RUBCN: variants seen among roughly 807,000 people sequenced by gnomAD.
RUBCN encodes run domain Beclin-1-interacting and cysteine-rich domain-containing protein.
In RUBCN, 74 loss-of-function variants were observed where a neutral mutation model predicts 113.2. That is an observed-to-expected ratio of 0.65 (90% CI 0.54 to 0.79). The LOEUF (loss-of-function observed/expected upper bound fraction) is 0.79, where lower values mean the gene tolerates loss of function less well. RUBCN is among the 30% of genes least tolerant of loss of function. The pLI is 0.00. For synonymous variants in RUBCN, 480 were observed against 490.0 expected, an observed-to-expected ratio of 0.98 and a Z score of 0.27; for missense variants, 1,109 against 1,251.7, an observed-to-expected ratio of 0.89 and a Z score of 1.72.
intron 16 of RUBCN, among the ~76,000 whole-genome samples, chr3:197,679,031 T>C (rs1720845130): frequency 6.9e-6 from 1 of 145,886 alleles, no homozygotes; most frequent in Admixed American, 6.8e-5. Flanking sequence ...TGTCCTACGC[T>C]CTGACAACTG....
At chr3:197,719,476 C>CAAAAAAA (rs369029082) in intron 1 of RUBCN, among the ~76,000 whole-genome samples, 8 of 54,168 alleles carry the variant, frequency 1.5e-4, no homozygotes, top group East Asian at 5.8e-4. Flanking sequence ...GAGATTGTCT[C>CAAAAAAA]AAAAAAAAAA....
Position 197,718,130 on chromosome 3 carries a change from C to T in RUBCN, c.66G>A (p.Arg22=). 1 of 1,614,178 alleles carries T rather than the reference C, an allele frequency of 6.2e-7. No individual in the cohort carries two copies. Among genetic ancestry groups the T allele is most frequent in the Non-Finnish European group, 8.5e-7 (1 of 1,180,004 alleles). The part of the protein sequence containing the change: ...GGEERLPEES[R]REHWQLLGNL... The stretch of plus-strand genomic sequence containing the variant: ...TACCCAGCAACTGCCAGTGCTCCCT[C>T]CTGCAAGGGCATCAGTTACACCAAT... The change falls in exon 2 of 20, where the codon AGG becomes AGA. Residue 22 remains arginine, a splice_region_variant and synonymous_variant. Transcript: ENST00000296343.
At chr3:197,679,480 G>A (rs1418211058) in intron 16 of RUBCN, among the ~76,000 whole-genome samples, 2 of 145,248 alleles carry the variant, frequency 1.4e-5, no homozygotes, top group Non-Finnish European at 3.0e-5. Flanking sequence ...ACTGTCCTAC[G>A]CTCTGACAAC....
rs1181503552 is a variant in RUBCN, at chr3:197,677,460, C to G, written c.2492+20G>C. 1.2e-6 allele frequency: 2 copies of G among 1,610,450 alleles called. No homozygotes were observed. Among genetic ancestry groups the G allele is most frequent in the Admixed American group, 3.3e-5 (2 of 60,028 alleles). ...GAGACAGCAACGTGGCCAGAGGGCT[C>G]TAGCTCCAAAAGGACTTACTCCTTG... On this transcript the variant is annotated intron_variant, in intron 17 of 19. Coordinates refer to ENST00000296343, the MANE Select transcript of RUBCN (RefSeq NM_014687.4).
chr3:197,748,349 T>C (rs1186945846), intron 1 of RUBCN: 1 of 152,164 alleles, frequency 6.6e-6, no homozygotes, highest in Non-Finnish European at 1.5e-5. Context: ...ATGCCAAATA[T>C]TGTTCTTGAG....
chr3:197,687,001 T>C (rs188997150), intron 11 of RUBCN, among the ~76,000 whole-genome samples: 1 of 152,344 alleles, frequency 6.6e-6, no homozygotes, highest in Non-Finnish European at 1.5e-5. Context: ...GTCCAGACAC[T>C]GGTATTGAAC....
chr3:197,710,966 C>A (rs909516549), intron 2 of RUBCN, among the ~76,000 whole-genome samples: 1 of 152,148 alleles, frequency 6.6e-6, no homozygotes, highest in African/African-American at 2.4e-5. Context: ...GCTGGGACTA[C>A]AGGCACATGC....
In RUBCN at chr3:197,736,887, G is replaced by A. The variant is rs377497954; in HGVS notation, c.-168C>T. 1.9e-4 allele frequency: 265 copies of A among 1,371,958 alleles called. 2 individuals are homozygous for A. In the East Asian group the frequency reaches 6.5e-3, roughly 34 times the overall value. The allele number at this position is 1,371,958 out of a possible 1,614,324, so 85.0% of individuals were successfully genotyped here. On this transcript the variant is annotated 5_prime_UTR_variant, in exon 1 of 20. Transcript: ENST00000296343. ...CGGGAGGGACCGCCGCCTGGGCTGC[G>A]GCTTCTATCCCGGCCACCCCCACTT...
Position 197,682,556 on chromosome 3 carries a change from G to A in RUBCN, c.2040C>T (p.Ile680=), listed in dbSNP as rs1183173127. Reference sequence around the variant, plus strand: ...CACGAACACGAATCCGCAGCTTGTAGATGTCAGCGTGCTGCCCGTCATCCG... The same window carrying A: ...CACGAACACGAATCCGCAGCTTGTAAATGTCAGCGTGCTGCCCGTCATCCG... ...ISPDDGQHAD[I]YKLRIRVRGN... is the part of the protein sequence containing the mutation. The change falls in exon 14 of 20, where the codon ATC becomes ATT. Residue 680 remains isoleucine (I), a synonymous_variant. Coordinates refer to ENST00000296343, the MANE Select transcript of RUBCN (RefSeq NM_014687.4). The A allele has an allele frequency of 1.2e-6, 2 of 1,614,170 alleles. No individual in the cohort carries two copies. Among genetic ancestry groups the A allele is most frequent in the Non-Finnish European group, 1.7e-6 (2 of 1,180,016 alleles).
chr3:197,687,356 A>T (rs1043991554), intron 11 of RUBCN, among the ~76,000 whole-genome samples: 1 of 152,268 alleles, frequency 6.6e-6, no homozygotes, highest in Non-Finnish European at 1.5e-5. Context: ...AACTTGTCAG[A>T]AAGTATAGCT....
upstream of RUBCN, chr3:197,737,376 G>A (rs545331776): frequency 4.6e-5 from 7 of 150,984 alleles, no homozygotes; most frequent in African/African-American, 1.5e-4. Context: ...AGGTTGCTTT[G>A]GGATCATAAA....
chr3:197,683,830 T>C lies in RUBCN; in HGVS notation c.1847+327A>G, dbSNP rs939417541. On this transcript the variant is annotated intron_variant, in intron 12 of 19. Transcript: ENST00000296343. This position sits in a 1 kb window ranked among gnomAD's most constrained non-coding sequence, Gnocchi z 4.6. ...CTGTGTCCCCTGGTTGGGTCTATGA[T>C]GTGGAATCTGTTCAATTTGATTTCA... Among the ~76,000 whole-genome samples, 3 of 152,184 alleles carry C rather than the reference T, an allele frequency of 2.0e-5. No individual in the cohort carries two copies. The highest frequency in any genetic ancestry group is 7.2e-5 in the African/African-American group (3 of 41,444).
chr3:197,684,164 GGGA>G lies in RUBCN; in HGVS notation c.1837_1839del (p.Ser613del). 6.2e-7 allele frequency: 1 copy of G among 1,610,364 alleles called. No homozygotes were observed. On this transcript the variant is annotated inframe_deletion, in exon 12 of 20. Transcript: ENST00000296343. ...GTAAAAAAAAGTACTCACAAGGACT[GGGA>G]GGAAACGAAGGATTTGCTGCTTGAG...
intron 1 of RUBCN, among the ~76,000 whole-genome samples, chr3:197,724,971 G>A (rs1435039168): frequency 6.6e-6 from 1 of 152,052 alleles, no homozygotes; most frequent in Non-Finnish European, 1.5e-5. Context: ...CTTGAGCTCA[G>A]GAGTTCAAGA....
chr3:197,703,647 G>C lies in RUBCN; in HGVS notation c.471C>G (p.Ala157=). 6.2e-7 allele frequency: 1 copy of C among 1,612,258 alleles called. No homozygotes were observed. The highest frequency in any genetic ancestry group is 8.5e-7 in the Non-Finnish European group (1 of 1,178,522). Reference sequence around the variant, plus strand: ...TGACATGAGCGTCACTTAGCAGGAAGGCAGCATCTGGGGAGAGAAAAGCTG... The same window carrying C: ...TGACATGAGCGTCACTTAGCAGGAACGCAGCATCTGGGGAGAGAAAAGCTG... ...QYIRKFYTDA[A]FLLSDAHVTA... is the part of the protein sequence containing the mutation. Residue 157 remains alanine (A), a synonymous_variant, in exon 5 of 20, where the codon GCC becomes GCG. Coordinates refer to ENST00000296343, the MANE Select transcript of RUBCN (RefSeq NM_014687.4).
chr3:197,692,201 T>G (rs1032577428), intron 11 of RUBCN, among the ~76,000 whole-genome samples: 3 of 151,868 alleles, frequency 2.0e-5, no homozygotes, highest in African/African-American at 7.3e-5. Context: ...TAATGAAACT[T>G]CAATAAAAAC....
At chr3:197,676,812 C>T (rs1720486179) in intron 18 of RUBCN, 73 bp downstream of exon 18, 2 of 1,610,028 alleles carry the variant, frequency 1.2e-6, no homozygotes, top group East Asian at 2.2e-5. Context: ...GTGGCAAGAA[C>T]CCCAGGTCCA....
At position 197,671,763 on chromosome 3, in the gene RUBCN, A is replaced by G. The variant is rs1239093723; in HGVS notation, c.*3255T>C. ...AGTCAGATGTTGCGGAGAGGAAGAC[A>G]CCTCATTTTAAGTGACAGTTACACC... On this transcript the variant is annotated 3_prime_UTR_variant, in exon 20 of 20. Coordinates refer to ENST00000296343, the MANE Select transcript of RUBCN (RefSeq NM_014687.4). 6.6e-6 allele frequency: 1 copy of G among 152,136 alleles called. No individual in the cohort carries two copies. The allele number at this position is 152,136 out of a possible 1,614,324, so 9.4% of individuals were successfully genotyped here.
intron 11 of RUBCN, among the ~76,000 whole-genome samples, chr3:197,688,592 T>C (rs1211311979): frequency 1.3e-5 from 2 of 152,104 alleles, no homozygotes; most frequent in African/African-American, 4.8e-5. Flanking sequence ...TCAAGAAGAA[T>C]CTACAAAGGA....
Sources: gnomAD v4.1 joint callset for allele counts (sites outside exome capture counted in the v4.1 genomes callset) on GRCh38, gnomAD v4.1.1 for gene constraint, Gnocchi (gnomAD v3.1) non-coding constraint, MANE v1.5 for transcripts, NCBI Gene and HGNC (gene_info 2026-07-23, HGNC 2026-07-21) for gene names.